The following RAB38 variants were observed in gnomAD, a reference collection of about 807,000 sequenced individuals.
The protein encoded by RAB38 is ras-related protein Rab-38.
A neutral mutation model predicts 18.4 loss-of-function variants in RAB38; 15 were observed. The ratio of observed to expected loss-of-function variants is 0.82; its 90% CI spans 0.55 to 1.26. The LOEUF (loss-of-function observed/expected upper bound fraction) is 1.26, where lower values mean the gene tolerates loss of function less well. RAB38 is among the 50% of genes most tolerant of loss of function. The pLI is 0.00. For synonymous variants in RAB38, 101 were observed against 104.4 expected, an observed-to-expected ratio of 0.97 and a Z score of 0.20; for missense variants, 294 against 267.4, an observed-to-expected ratio of 1.10 and a Z score of -0.69.
chr11:88,069,794 G>T, the RAB38 span, among the ~76,000 whole-genome samples: 1 of 151,440 alleles, frequency 6.6e-6, no homozygotes, highest in Non-Finnish European at 1.5e-5. Flanking sequence ...TCTAGCTCAA[G>T]GTTTGTAAAC....
At chr11:88,088,938 A>G in the RAB38 span, among the ~76,000 whole-genome samples, 2 of 103,098 alleles carry the variant, frequency 1.9e-5, no homozygotes, top group African/African-American at 7.9e-5. Context: ...AAAAACTCAC[A>G]GGAGCTGACA....
chr11:88,027,617 T>C, the RAB38 span, among the ~76,000 whole-genome samples: 1 of 152,216 alleles, frequency 6.6e-6, no homozygotes, highest in Non-Finnish European at 1.5e-5. Context: ...GTCTCGCTGA[T>C]TGCTAGCACA....
the RAB38 span, among the ~76,000 whole-genome samples, chr11:87,965,306 A>AG: frequency 6.6e-6 from 1 of 151,202 alleles, no homozygotes; most frequent in African/African-American, 2.4e-5. Context: ...AAAAAAAAAA[A>AG]TGATTACTGT....
the RAB38 span, among the ~76,000 whole-genome samples, chr11:87,898,179 C>T: frequency 6.6e-6 from 1 of 151,580 alleles, no homozygotes; most frequent in Non-Finnish European, 1.5e-5. Context: ...GAATACCTGA[C>T]CTTCACCAGG....
the RAB38 span, among the ~76,000 whole-genome samples, chr11:87,835,501 C>A: frequency 9.7e-3 from 1,478 of 152,288 alleles, 21 homozygotes; most frequent in African/African-American, 0.034. Context: ...CGCTTCCCCC[C>A]ACTGAAGTTC....
the RAB38 span, among the ~76,000 whole-genome samples, chr11:88,017,737 T>TAA: frequency 2.0e-5 from 3 of 146,500 alleles, no homozygotes; most frequent in South Asian, 6.3e-4. Flanking sequence ...TATATATATA[T>TAA]AATATATATT....
intron 1 of RAB38, among the ~76,000 whole-genome samples, chr11:88,174,926 G>A (rs927484490): frequency 1.3e-5 from 2 of 152,252 alleles, no homozygotes. Flanking sequence ...TGGTTCCCTG[G>A]GGAGGCCTGC....
chr11:87,893,390 A>ATTTTTTTTTT, the RAB38 span, among the ~76,000 whole-genome samples: 244 of 93,892 alleles, frequency 2.6e-3, 1 homozygote, highest in Non-Finnish European at 4.4e-3. Context: ...ATATATATAT[A>ATTTTTTTTTT]TTTTTTTTTT....
chr11:88,120,988 C>T (rs960630083), intron 2 of RAB38, among the ~76,000 whole-genome samples: 2 of 152,176 alleles, frequency 1.3e-5, no homozygotes, highest in African/African-American at 4.8e-5. Context: ...AGAAAGTGAT[C>T]TGCCTAGCAT....
chr11:87,893,933 T>C, the RAB38 span, among the ~76,000 whole-genome samples: 2 of 151,726 alleles, frequency 1.3e-5, no homozygotes, highest in Non-Finnish European at 1.5e-5. Context: ...TAGGATTTTT[T>C]TGCTATTTGT....
At chr11:88,032,929 T>C in the RAB38 span, among the ~76,000 whole-genome samples, 2 of 152,202 alleles carry the variant, frequency 1.3e-5, no homozygotes, top group Non-Finnish European at 2.9e-5. Flanking sequence ...CATGCACACA[T>C]ATGTTTATTG....
chr11:87,964,621 C>T, the RAB38 span, among the ~76,000 whole-genome samples: 1 of 152,012 alleles, frequency 6.6e-6, no homozygotes, highest in Non-Finnish European at 1.5e-5. Flanking sequence ...ACCAATTAAT[C>T]AATGAGAAAT....
chr11:88,147,042 T>A (rs947851860), intron 2 of RAB38, among the ~76,000 whole-genome samples: 1 of 152,152 alleles, frequency 6.6e-6, no homozygotes, highest in African/African-American at 2.4e-5. Context: ...AACGTCAGAG[T>A]GAGGTGAAAA....
At chr11:87,838,179 A>G in the RAB38 span, among the ~76,000 whole-genome samples, 1 of 151,366 alleles carries the variant, frequency 6.6e-6, no homozygotes, top group Non-Finnish European at 1.5e-5. Context: ...CAGTGGCATG[A>G]TCTCGGCTCA....
chr11:88,087,198 T>G, the RAB38 span, among the ~76,000 whole-genome samples: 2 of 151,902 alleles, frequency 1.3e-5, no homozygotes, highest in African/African-American at 4.8e-5. Flanking sequence ...CAAGCAGTGA[T>G]CCCTGAGCAG....
chr11:87,806,766 A>G, the RAB38 span, among the ~76,000 whole-genome samples: 6 of 152,340 alleles, frequency 3.9e-5, no homozygotes, highest in East Asian at 5.8e-4. Context: ...TTATTAATCA[A>G]TGTTGCACTG....
In RAB38 at chr11:88,175,177, G is replaced by T. The variant is rs778651267; in HGVS notation, c.202+6C>A. On this transcript the variant is annotated splice_donor_region_variant and intron_variant, in intron 1 of 2. Transcript: ENST00000243662. ...TATCCCCCTGACCCCCTCCCCCCGC[G>T]CTCACCTGCGATATCCCAGAGCTGC... 7.5e-6 allele frequency: 12 copies of T among 1,592,482 alleles called. No individual in the cohort carries two copies. The highest frequency in any genetic ancestry group is 9.4e-6 in the Non-Finnish European group (11 of 1,167,904).
intron 1 of RAB38, among the ~76,000 whole-genome samples, chr11:88,162,980 C>T (rs915974218): frequency 1.3e-5 from 2 of 152,122 alleles, no homozygotes; most frequent in Non-Finnish European, 2.9e-5. Context: ...CCAAGCTCCA[C>T]CTTCTTGGAG....
the RAB38 span, among the ~76,000 whole-genome samples, chr11:88,006,397 A>G: frequency 6.6e-6 from 1 of 151,452 alleles, no homozygotes; most frequent in Admixed American, 6.6e-5. Flanking sequence ...TGGAACCACC[A>G]TATGATCCAG....
Sources: allele counts gnomAD v4.1 joint callset (sites outside exome capture counted in the v4.1 genomes callset), GRCh38; gene constraint gnomAD v4.1.1; transcripts MANE v1.5; gene names NCBI Gene and HGNC (gene_info 2026-07-23, HGNC 2026-07-21).